The following PIK3R4 variants were observed in gnomAD, a reference collection of about 807,000 sequenced individuals.
PIK3R4 encodes the protein phosphoinositide 3-kinase regulatory subunit 4.
In PIK3R4, 46 loss-of-function variants were observed where a neutral mutation model predicts 136.5. That is an observed-to-expected ratio of 0.34 (90% CI 0.27 to 0.43). The LOEUF (loss-of-function observed/expected upper bound fraction) is 0.43. Ranked by LOEUF, PIK3R4 falls within the 20% of genes least tolerant of loss-of-function variation. The pLI is 1.00. For synonymous variants in PIK3R4, 557 were observed against 566.7 expected (o/e 0.98, Z 0.24); for missense variants, 1,331 against 1,649.5 (o/e 0.81, Z 3.35).
intron 13 of PIK3R4, among the ~76,000 whole-genome samples, chr3:130,702,013 C>A (rs1364228160): frequency 6.6e-6 from 1 of 151,672 alleles, no homozygotes; most frequent in East Asian, 1.9e-4. Context: ...TGGTGGCATG[C>A]GCCTGTAGTC....
intron 6 of PIK3R4, 38 bp downstream of exon 6, chr3:130,728,425 T>C (rs778166446): frequency 7.6e-7 from 1 of 1,312,872 alleles, no homozygotes; most frequent in South Asian, 1.3e-5. Context: ...GAGAGGATGA[T>C]TAAAAATCTT....
intron 2 of PIK3R4, among the ~76,000 whole-genome samples, chr3:130,743,663 C>T (rs1415245159): frequency 6.6e-6 from 1 of 152,132 alleles, no homozygotes; most frequent in African/African-American, 2.4e-5. Flanking sequence ...ACAATTCTAT[C>T]TACTAATTAT....
intron 13 of PIK3R4, among the ~76,000 whole-genome samples, chr3:130,691,547 C>T (rs2066518315): frequency 6.6e-6 from 1 of 152,096 alleles, no homozygotes; most frequent in Non-Finnish European, 1.5e-5. Context: ...CCATTATCAC[C>T]AACTCCCTCC....
intron 4 of PIK3R4, among the ~76,000 whole-genome samples, chr3:130,730,851 G>A (rs950357362): frequency 6.6e-6 from 1 of 152,050 alleles, no homozygotes; most frequent in African/African-American, 2.4e-5. Flanking sequence ...GAAAGACCTG[G>A]GTTCAAATCT....
At chr3:130,721,063 C>T (rs2066697034) in intron 7 of PIK3R4, among the ~76,000 whole-genome samples, 1 of 151,314 alleles carries the variant, frequency 6.6e-6, no homozygotes, top group Non-Finnish European at 1.5e-5. Flanking sequence ...AGGCCGGGCG[C>T]GGTGGCTCAC....
intron 7 of PIK3R4, among the ~76,000 whole-genome samples, chr3:130,721,336 CAA>C (rs573651423): frequency 2.4e-4 from 18 of 76,178 alleles, no homozygotes; most frequent in Non-Finnish European, 2.2e-4. Context: ...GACTCCGTCT[CAA>C]AAAAAAAAAA....
At chr3:130,725,046 TTA>T (rs1241315952) in intron 6 of PIK3R4, among the ~76,000 whole-genome samples, 4 of 151,962 alleles carry the variant, frequency 2.6e-5, no homozygotes, top group Non-Finnish European at 4.4e-5. Context: ...GATTAAAAAA[TTA>T]TGTTATAATT....
Position 130,686,346 on chromosome 3 carries a change from A to T in PIK3R4, c.3340T>A (p.Tyr1114Asn). ...ACCAGAGAGCCATTCACAGTGGCATAGGCAAGAACAGACTGTGCTCCAGAG... is the reference window on the plus strand; with the variant it reads ...ACCAGAGAGCCATTCACAGTGGCATTGGCAAGAACAGACTGTGCTCCAGAG... ...FNSGAQSVLA[Y>N]ATVNGSLVGW... is the part of the protein sequence containing the mutation. The change falls in exon 15 of 20, where the codon TAT (tyrosine) becomes AAT (asparagine). Residue 1114 changes from tyrosine (Y) to asparagine (N), a missense_variant. By Grantham distance (143) the Tyr-to-Asn change is moderately radical. Around this residue, in one of 2 missense-constraint regions of PIK3R4, gnomAD observed 1,180 missense variants for 1,407.0 expected, o/e 0.84. Transcript: ENST00000356763. 6.2e-7 allele frequency: 1 copy of T among 1,613,006 alleles called. No homozygotes were observed. The highest frequency in any genetic ancestry group is 8.5e-7 in the Non-Finnish European group (1 of 1,178,974).
intron 13 of PIK3R4, among the ~76,000 whole-genome samples, chr3:130,701,239 C>T (rs761556454): frequency 2.6e-5 from 4 of 152,064 alleles, no homozygotes; most frequent in Non-Finnish European, 4.4e-5. Flanking sequence ...GGGCTGGGTG[C>T]GGTGGCTCAC....
At chr3:130,738,235 G>A (rs1434879727) in intron 2 of PIK3R4, among the ~76,000 whole-genome samples, 1 of 152,210 alleles carries the variant, frequency 6.6e-6, no homozygotes, top group Admixed American at 6.5e-5. Flanking sequence ...ATGTAAGTAA[G>A]TTTCTGAGCA....
At chr3:130,689,029 C>A (rs1265784471) in intron 14 of PIK3R4, among the ~76,000 whole-genome samples, 1 of 152,180 alleles carries the variant, frequency 6.6e-6, no homozygotes, top group Non-Finnish European at 1.5e-5. Flanking sequence ...CAACTGCCAA[C>A]TAAAATGTAA....
chr3:130,679,590 T>TA, intron 19 of PIK3R4, 105 bp from the exon 20 acceptor site: 1 of 744,458 alleles, frequency 1.3e-6, no homozygotes, highest in South Asian at 1.9e-5. Context: ...GTATTTAAGT[T>TA]AACACCTTTT....
Position 130,697,215 on chromosome 3 carries a change from G to A in PIK3R4, c.3098+6508C>T, listed in dbSNP as rs955981147. On this transcript the variant is annotated intron_variant, in intron 13 of 19. Transcript: ENST00000356763. ...CTCCCGAGTAGCTGGGACTACAGGCGTGTGCCACCACGCCTGGCAAAATTT... is the reference window on the plus strand; with the variant it reads ...CTCCCGAGTAGCTGGGACTACAGGCATGTGCCACCACGCCTGGCAAAATTT... Among the ~76,000 whole-genome samples the A allele has an allele frequency of 5.3e-5, 8 of 151,680 alleles. No homozygotes were observed. The East Asian group carries it at 1.2e-3, about 22-fold the overall frequency.
Position 130,744,925 on chromosome 3 carries a change from T to C in PIK3R4, c.294A>G (p.Ala98=). 6 of 1,614,228 alleles carry C rather than the reference T, an allele frequency of 3.7e-6. No homozygotes were observed. Among genetic ancestry groups the C allele is most frequent in the Non-Finnish European group, 5.1e-6 (6 of 1,180,016 alleles). ...GCACATACTGCCTAAAGAGCATAGC[T>C]GCTTTCTCAGATGCTTTTTCTGATG... The part of the protein sequence containing the change: ...QKASEKASEK[A]AMLFRQYVRD... The change falls in exon 2 of 20, where the codon GCA becomes GCG. Residue 98 remains alanine (A), a synonymous_variant. Transcript: ENST00000356763.
At chr3:130,695,948 ATTTC>A (rs2066543515) in intron 13 of PIK3R4, among the ~76,000 whole-genome samples, 1 of 152,016 alleles carries the variant, frequency 6.6e-6, no homozygotes, top group Non-Finnish European at 1.5e-5. Context: ...TTGATTACTA[ATTTC>A]TTTATTATTA....
At chr3:130,740,470 C>A (rs573133517) in intron 2 of PIK3R4, among the ~76,000 whole-genome samples, 1 of 152,288 alleles carries the variant, frequency 6.6e-6, no homozygotes, top group South Asian at 2.1e-4. Flanking sequence ...GGCACAGTGG[C>A]TCATACCTGT....
chr3:130,722,116 T>C (rs2066704380), intron 7 of PIK3R4, among the ~76,000 whole-genome samples: 1 of 152,190 alleles, frequency 6.6e-6, no homozygotes, highest in Non-Finnish European at 1.5e-5. Flanking sequence ...GTCTATCATT[T>C]GTTTTAAATA....
intron 2 of PIK3R4, among the ~76,000 whole-genome samples, chr3:130,738,787 C>A (rs2066801509): frequency 6.7e-6 from 1 of 149,782 alleles, no homozygotes; most frequent in Non-Finnish European, 1.5e-5. Flanking sequence ...ACTGGTGCAC[C>A]AATATAATTA....
chr3:130,679,697 A>ATAAC (rs1339751064), intron 19 of PIK3R4, among the ~76,000 whole-genome samples: 2 of 152,200 alleles, frequency 1.3e-5, no homozygotes, highest in African/African-American at 2.4e-5. Flanking sequence ...GTAGCCACTT[A>ATAAC]TAACTATGGA....
Sources: allele counts gnomAD v4.1 joint callset (sites outside exome capture counted in the v4.1 genomes callset), GRCh38; gene constraint gnomAD v4.1.1; regional missense constraint gnomAD v4.1.1; transcripts MANE v1.5; gene names NCBI Gene and HGNC (gene_info 2026-07-23, HGNC 2026-07-21).